The following PHF2 variants were observed in gnomAD, a reference collection of about 807,000 sequenced individuals.
PHF2 encodes PHD finger protein 2.
Under a neutral mutation model 120.5 loss-of-function variants are expected in PHF2, and 27 were observed. That is an observed-to-expected ratio of 0.22 (90% confidence interval 0.17 to 0.31). The LOEUF (loss-of-function observed/expected upper bound fraction) is 0.31. Ranked by LOEUF, PHF2 falls within the 10% of genes least tolerant of loss-of-function variation. The pLI, the probability that PHF2 is intolerant of heterozygous loss-of-function variation, is 1.00. For missense variants in PHF2, 1,024 were observed against 1,434.8 expected, an observed-to-expected ratio of 0.71 and a Z score of 4.63; for synonymous variants, 568 against 592.5, an observed-to-expected ratio of 0.96 and a Z score of 0.60.
rs1467087549 is a variant in PHF2 at position 93,608,742 on chromosome 9, T to C, written c.99-21228T>C. ...TGTGGGCATAGTGTTGTTTCATCCTTTTACTTTTAATCTGTGTCTTTATAT... is the reference window on the plus strand; with the variant it reads ...TGTGGGCATAGTGTTGTTTCATCCTCTTACTTTTAATCTGTGTCTTTATAT... On this transcript the variant is annotated intron_variant, in intron 1 of 21. Coordinates refer to ENST00000359246, the MANE Select transcript of PHF2 (RefSeq NM_005392.4). Among the ~76,000 whole-genome samples the C allele has an allele frequency of 4.6e-5, 7 of 152,206 alleles. No individual in the cohort carries two copies. In the East Asian group the frequency reaches 1.2e-3, roughly 25 times the overall value.
chr9:93,597,815 A>T (rs577652294), intron 1 of PHF2, among the ~76,000 whole-genome samples: 3 of 152,174 alleles, frequency 2.0e-5, no homozygotes, highest in Admixed American at 1.3e-4. Flanking sequence ...CAGTGTTGGG[A>T]AGTATCTTAT....
At chr9:93,636,314 G>C in intron 2 of PHF2, 97 bp from the exon 3 acceptor site, 2 of 862,776 alleles carry the variant, frequency 2.3e-6, no homozygotes, top group Non-Finnish European at 3.7e-6. Context: ...GCTGGGAGTT[G>C]TTAGTAGGCT....
At chr9:93,623,272 AAGTG>A (rs1411096874) in intron 1 of PHF2, among the ~76,000 whole-genome samples, 1 of 152,176 alleles carries the variant, frequency 6.6e-6, no homozygotes, top group Non-Finnish European at 1.5e-5. Flanking sequence ...TGTATGCTTG[AAGTG>A]AGTAATGATG....
At chr9:93,596,551 G>T (rs917263616) in intron 1 of PHF2, among the ~76,000 whole-genome samples, 3 of 151,998 alleles carry the variant, frequency 2.0e-5, no homozygotes, top group Non-Finnish European at 4.4e-5. Flanking sequence ...ACTGGGAGTC[G>T]GGAGGGGCAG....
chr9:93,610,624 T>C (rs1330511819), intron 1 of PHF2, among the ~76,000 whole-genome samples: 2 of 152,232 alleles, frequency 1.3e-5, no homozygotes, highest in Non-Finnish European at 2.9e-5. Flanking sequence ...GGTTGTTTTT[T>C]GTTTTGTTTT....
chr9:93,614,591 G>A (rs1825690941), intron 1 of PHF2, among the ~76,000 whole-genome samples: 1 of 152,238 alleles, frequency 6.6e-6, no homozygotes, highest in African/African-American at 2.4e-5. Flanking sequence ...CTGAGCTGGG[G>A]TCTCTTCAGC....
At chr9:93,612,289 T>C (rs967497531) in intron 1 of PHF2, among the ~76,000 whole-genome samples, 5 of 151,580 alleles carry the variant, frequency 3.3e-5, no homozygotes, top group African/African-American at 9.7e-5. Context: ...GTGTCTAAAA[T>C]ACCAACAGCT....
chr9:93,631,771 G>T (rs886522363), intron 2 of PHF2, among the ~76,000 whole-genome samples: 32 of 150,254 alleles, frequency 2.1e-4, no homozygotes, highest in African/African-American at 6.9e-4. Flanking sequence ...TGCTTTCCTG[G>T]GGGGTAGGAC....
At position 93,586,691 on chromosome 9, in the gene PHF2, G is replaced by A. The variant is rs114579068; in HGVS notation, c.98+9820G>A. Among the ~76,000 whole-genome samples the A allele has an allele frequency of 7.3e-3, 1,105 of 152,376 alleles. 14 individuals are homozygous for A. The highest frequency in any genetic ancestry group is 0.025 in the African/African-American group (1,057 of 41,586). Reference sequence around the variant, plus strand: ...TGCTAGGAGTCAAGAGGTTTGCCACGACTGGGCTTGGTTCCTTGTTCATGA... The same window carrying A: ...TGCTAGGAGTCAAGAGGTTTGCCACAACTGGGCTTGGTTCCTTGTTCATGA... On this transcript the variant is annotated intron_variant, in intron 1 of 21. Coordinates refer to ENST00000359246, the MANE Select transcript of PHF2 (RefSeq NM_005392.4).
chr9:93,666,933 TAAATAAATAAAAATAAAAATA>T, intron 16 of PHF2, 126 bp from the exon 17 acceptor site: 3 of 371,302 alleles, frequency 8.1e-6, no homozygotes, highest in Non-Finnish European at 8.4e-6. Flanking sequence ...CAAAACTAAA[TAAATAAATAAAAATAAAAATA>T]AAATAAATAA....
At chr9:93,642,885 T>G (rs1203423442) in intron 3 of PHF2, among the ~76,000 whole-genome samples, 1 of 152,250 alleles carries the variant, frequency 6.6e-6, no homozygotes, top group Non-Finnish European at 1.5e-5. Flanking sequence ...TAAAAAATTT[T>G]GATCATTGTA....
In PHF2 at chr9:93,668,367, A is replaced by G. The variant is rs568151238; in HGVS notation, c.2348+1127A>G. Reference sequence around the variant, plus strand: ...CCTGTCGGAGGCTGTGGTGCTTCACACAGCTCTTTGGGGGATGCCTGTCTT... The same window carrying G: ...CCTGTCGGAGGCTGTGGTGCTTCACGCAGCTCTTTGGGGGATGCCTGTCTT... On this transcript the variant is annotated intron_variant, in intron 17 of 21. Coordinates refer to ENST00000359246, the MANE Select transcript of PHF2 (RefSeq NM_005392.4). 9.9e-5 allele frequency among the ~76,000 whole-genome samples: 15 copies of G among 152,226 alleles called. No homozygotes were observed. In the East Asian group the frequency reaches 2.9e-3, roughly 29 times the overall value.
chr9:93,642,728 T>A (rs1826190172), intron 3 of PHF2, among the ~76,000 whole-genome samples: 1 of 152,226 alleles, frequency 6.6e-6, no homozygotes, highest in Admixed American at 6.5e-5. Context: ...TAAGCCTCTT[T>A]AATTTGGAGA....
At position 93,576,788 on chromosome 9, in the gene PHF2, C is replaced by A. The variant is rs553782112; in HGVS notation, c.15C>A (p.Pro5=). 14 of 1,277,006 alleles carry A rather than the reference C, an allele frequency of 1.1e-5. No individual in the cohort carries two copies. Among genetic ancestry groups the A allele is most frequent in the Non-Finnish European group, 1.4e-5 (14 of 978,510 alleles). 79.1% of individuals were successfully genotyped at this position (1,277,006 alleles called of 1,614,324 possible). A position where few individuals can be genotyped will look rare whatever the true frequency, so the allele number is the denominator to read the frequency against. The change falls in exon 1 of 22, where the codon CCC becomes CCA. Residue 5 remains proline, a synonymous_variant. Transcript: ENST00000359246. MATV[P]VYCVCRLPYD... ...GGCGCGGCAACATGGCGACGGTGCCCGTGTACTGCGTCTGCCGGCTCCCCT... is the reference window on the plus strand; with the variant it reads ...GGCGCGGCAACATGGCGACGGTGCCAGTGTACTGCGTCTGCCGGCTCCCCT...
chr9:93,671,985 T>A (rs1179596960), intron 17 of PHF2, among the ~76,000 whole-genome samples: 9 of 137,180 alleles, frequency 6.6e-5, no homozygotes, highest in Non-Finnish European at 4.7e-5. Context: ...GATGTGGGTG[T>A]GGGAGTAGGG....
chr9:93,661,447 A>G (rs1826563422), intron 12 of PHF2, among the ~76,000 whole-genome samples: 1 of 152,206 alleles, frequency 6.6e-6, no homozygotes, highest in African/African-American at 2.4e-5. Context: ...GGATGAATGG[A>G]TGAACAGACG....
At chr9:93,668,282 C>T (rs1460637910) in intron 17 of PHF2, among the ~76,000 whole-genome samples, 1 of 152,130 alleles carries the variant, frequency 6.6e-6, no homozygotes, top group African/African-American at 2.4e-5. Context: ...CCATGTTAAG[C>T]CCCTTGCTGC....
chr9:93,609,906 A>G, intron 1 of PHF2, among the ~76,000 whole-genome samples: 1 of 152,132 alleles, frequency 6.6e-6, no homozygotes, highest in Admixed American at 6.6e-5. Flanking sequence ...CACGTTGGCG[A>G]GGTTGGTCTT....
At chr9:93,663,082 C>G in intron 13 of PHF2, 56 bp downstream of exon 13, 1 of 1,606,388 alleles carries the variant, frequency 6.2e-7, no homozygotes, top group Non-Finnish European at 8.5e-7. Context: ...TGAGTGTGAG[C>G]AGAGGTGAAT....
Sources: gnomAD v4.1 joint callset for allele counts (sites outside exome capture counted in the v4.1 genomes callset) on GRCh38, gnomAD v4.1.1 for gene constraint, MANE v1.5 for transcripts, NCBI Gene and HGNC (gene_info 2026-07-23, HGNC 2026-07-21) for gene names.